KCNJ6: variants seen among roughly 807,000 people sequenced by gnomAD.
KCNJ6 encodes G protein-activated inward rectifier potassium channel 2.
In KCNJ6, 9 loss-of-function variants were observed where a neutral mutation model predicts 34.2. That is an observed-to-expected ratio of 0.26 (90% confidence interval 0.16 to 0.46). The LOEUF is 0.46. KCNJ6 is among the 20% of genes least tolerant of loss of function. The pLI, the probability that KCNJ6 is intolerant of heterozygous loss-of-function variation, is 1.00. For missense variants in KCNJ6, 236 were observed against 531.3 expected, an observed-to-expected ratio of 0.44 and a Z score of 5.46; for synonymous variants, 196 against 207.1, an observed-to-expected ratio of 0.95 and a Z score of 0.46.
chr21:37,815,908 T>C (rs570339916), intron 2 of KCNJ6, among the ~76,000 whole-genome samples: 2 of 152,304 alleles, frequency 1.3e-5, no homozygotes, highest in East Asian at 3.9e-4. Context: ...CGGCAGGCAG[T>C]GACGCGACTG....
chr21:37,744,773 G>T (rs1384575177), intron 2 of KCNJ6, among the ~76,000 whole-genome samples: 1 of 152,176 alleles, frequency 6.6e-6, no homozygotes, highest in Non-Finnish European at 1.5e-5. Context: ...CAACAGTGGG[G>T]GGTGTGTAAG....
At chr21:37,639,738 C>A (rs2054372917) in intron 3 of KCNJ6, among the ~76,000 whole-genome samples, 1 of 152,186 alleles carries the variant, frequency 6.6e-6, no homozygotes, top group South Asian at 2.1e-4. Flanking sequence ...GAACTGTAAT[C>A]CTCAATGTTG....
intron 2 of KCNJ6, among the ~76,000 whole-genome samples, chr21:37,789,724 C>T (rs2055208233): frequency 6.6e-6 from 1 of 152,208 alleles, no homozygotes; most frequent in Non-Finnish European, 1.5e-5. Flanking sequence ...GTTTACATTG[C>T]ATGGAAAGCA....
At chr21:37,809,797 G>C (rs1213643126) in intron 2 of KCNJ6, among the ~76,000 whole-genome samples, 1 of 152,120 alleles carries the variant, frequency 6.6e-6, no homozygotes, top group Non-Finnish European at 1.5e-5. Flanking sequence ...TTCATTTGTA[G>C]CCTTCCTTGC....
Position 37,889,938 on chromosome 21 carries a change from T to C in KCNJ6, c.-28+25946A>G, listed in dbSNP as rs548084375. Among the ~76,000 whole-genome samples the C allele has an allele frequency of 1.4e-4, 22 of 152,354 alleles. No individual in the cohort carries two copies. The East Asian group carries it at 4.2e-3, about 29-fold the overall frequency. On this transcript the variant is annotated intron_variant, in intron 1 of 3. Coordinates refer to ENST00000609713, the MANE Select transcript of KCNJ6 (RefSeq NM_002240.5). ...TAGGTACCAGGCATTAGGCCTTGAGTATGTCTTTTTGAGGGACACAATTCA... is the reference window on the plus strand; with the variant it reads ...TAGGTACCAGGCATTAGGCCTTGAGCATGTCTTTTTGAGGGACACAATTCA...
chr21:37,808,883 A>G (rs1456129098), intron 2 of KCNJ6, among the ~76,000 whole-genome samples: 1 of 152,198 alleles, frequency 6.6e-6, no homozygotes, highest in African/African-American at 2.4e-5. Flanking sequence ...CAGGTGCTAG[A>G]GAGGATGTGG....
At chr21:37,804,704 A>T (rs745420015) in intron 2 of KCNJ6, among the ~76,000 whole-genome samples, 1 of 152,204 alleles carries the variant, frequency 6.6e-6, no homozygotes, top group Non-Finnish European at 1.5e-5. Flanking sequence ...TAGCTTGGTA[A>T]GGATAATGGC....
At chr21:37,679,088 C>G (rs2054579607) in intron 3 of KCNJ6, among the ~76,000 whole-genome samples, 1 of 152,138 alleles carries the variant, frequency 6.6e-6, no homozygotes, top group South Asian at 2.1e-4. Context: ...CACCAAGCAA[C>G]TTATAGAGAT....
At position 37,814,207 on chromosome 21, in the gene KCNJ6, T is replaced by C. The variant is rs542899446; in HGVS notation, c.25+26451A>G. Among the ~76,000 whole-genome samples, 297 of 152,336 alleles carry C rather than the reference T, an allele frequency of 1.9e-3. 2 individuals are homozygous for C. The highest frequency in any genetic ancestry group is 6.8e-3 in the African/African-American group (281 of 41,576). ...AATGCATATCACAACTATAATGAGA[T>C]ATCATTTCACCCCATTTAAAATAGC... On this transcript the variant is annotated intron_variant, in intron 2 of 3. Transcript: ENST00000609713.
rs150275924 is a variant in KCNJ6, at chr21:37,818,618, C to T, written c.25+22040G>A. ...TGATAATTTCTCCATAACGATAAGA[C>T]TCGTCTCCCCCAACCCAACTGCCTT... On this transcript the variant is annotated intron_variant, in intron 2 of 3. Coordinates refer to ENST00000609713, the MANE Select transcript of KCNJ6 (RefSeq NM_002240.5). Among the ~76,000 whole-genome samples the T allele has an allele frequency of 5.0e-4, 76 of 152,294 alleles. 1 individual carries two copies. Among genetic ancestry groups the T allele is most frequent in the African/African-American group, 1.8e-3 (76 of 41,566 alleles).
intron 1 of KCNJ6, among the ~76,000 whole-genome samples, chr21:37,898,710 A>C (rs2123642744): frequency 6.6e-6 from 1 of 152,340 alleles, no homozygotes; most frequent in African/African-American, 2.4e-5. Context: ...GATGTTATGC[A>C]TCCTGGGCAA....
chr21:37,736,748 T>C (rs1241043554), intron 2 of KCNJ6, among the ~76,000 whole-genome samples: 1 of 152,174 alleles, frequency 6.6e-6, no homozygotes, highest in East Asian at 1.9e-4. Flanking sequence ...AAGGTACTGT[T>C]CACCTCTGCA....
chr21:37,751,354 T>G (rs2054994359), intron 2 of KCNJ6, among the ~76,000 whole-genome samples: 1 of 152,264 alleles, frequency 6.6e-6, no homozygotes. Flanking sequence ...TGTTACCTGC[T>G]GACCTGCTAA....
At chr21:37,900,355 C>CA (rs1275544066) in intron 1 of KCNJ6, among the ~76,000 whole-genome samples, 1 of 152,170 alleles carries the variant, frequency 6.6e-6, no homozygotes, top group Non-Finnish European at 1.5e-5. Flanking sequence ...ACAATGCAGC[C>CA]ACCACAATGA....
intron 2 of KCNJ6, among the ~76,000 whole-genome samples, chr21:37,742,471 T>C (rs1290701702): frequency 1.3e-5 from 2 of 151,614 alleles, no homozygotes; most frequent in African/African-American, 4.9e-5. Flanking sequence ...AAAGATGGTA[T>C]ATACTCATGT....
chr21:37,868,969 A>C (rs1160532227), intron 1 of KCNJ6, among the ~76,000 whole-genome samples: 2 of 152,238 alleles, frequency 1.3e-5, no homozygotes, highest in African/African-American at 4.8e-5. Flanking sequence ...AGAGGGAAAA[A>C]CGCAGTAGAG....
At chr21:37,848,542 T>TAGG (rs1286372988) in intron 1 of KCNJ6, among the ~76,000 whole-genome samples, 4 of 152,218 alleles carry the variant, frequency 2.6e-5, no homozygotes, top group African/African-American at 7.2e-5. Context: ...CAGGTCACCC[T>TAGG]GACTGGTTCC....
At chr21:37,889,105 G>C (rs1391548141) in intron 1 of KCNJ6, among the ~76,000 whole-genome samples, 2 of 152,344 alleles carry the variant, frequency 1.3e-5, no homozygotes, top group East Asian at 3.9e-4. Flanking sequence ...ACCTGTGTGG[G>C]TGGTGGCTTC....
intron 2 of KCNJ6, among the ~76,000 whole-genome samples, chr21:37,735,793 G>A (rs77559335): frequency 0.02 from 3,100 of 152,284 alleles, 43 homozygotes; most frequent in South Asian, 0.047. Flanking sequence ...CCACCTCTAC[G>A]GCAGCTGTGG....
Sources: allele counts gnomAD v4.1 joint callset (sites outside exome capture counted in the v4.1 genomes callset), GRCh38; gene constraint gnomAD v4.1.1; transcripts MANE v1.5; gene names NCBI Gene and HGNC (gene_info 2026-07-23, HGNC 2026-07-21).